The following PDZRN3 variants were observed in gnomAD, a reference collection of about 807,000 sequenced individuals.
PDZRN3 encodes PDZ domain containing ring finger 3, also known as E3 ubiquitin-protein ligase PDZRN3.
In PDZRN3, 38 loss-of-function variants were observed where a neutral mutation model predicts 85.7. That is an observed-to-expected ratio of 0.44 (90% CI 0.34 to 0.58). PDZRN3 has a LOEUF of 0.58. PDZRN3 is among the 20% of genes least tolerant of loss of function. The pLI is 0.01. For synonymous variants in PDZRN3, 759 were observed against 638.0 expected (o/e 1.19, Z -2.86); for missense variants, 1,629 against 1,506.4 (o/e 1.08, Z -1.35).
intron 3 of PDZRN3, among the ~76,000 whole-genome samples, chr3:73,520,476 C>T (rs377756496): frequency 6.6e-6 from 1 of 152,126 alleles, no homozygotes; most frequent in African/African-American, 2.4e-5. Context: ...TGCATGTTCC[C>T]GCCCAGCCAA....
intron 8 of PDZRN3, among the ~76,000 whole-genome samples, chr3:73,387,730 T>C (rs1701427091): frequency 6.6e-6 from 1 of 152,168 alleles, no homozygotes; most frequent in African/African-American, 2.4e-5. Context: ...TCCTTCCCTA[T>C]GATCCCTGCA....
chr3:73,473,093 A>G (rs1040502825), intron 3 of PDZRN3, among the ~76,000 whole-genome samples: 3 of 152,192 alleles, frequency 2.0e-5, no homozygotes, highest in Non-Finnish European at 4.4e-5. Flanking sequence ...AGCCCCTAAA[A>G]GGAGTGTAAC....
chr3:73,504,831 T>TA (rs1704042106), intron 3 of PDZRN3, among the ~76,000 whole-genome samples: 1 of 152,226 alleles, frequency 6.6e-6, no homozygotes, highest in Non-Finnish European at 1.5e-5. Flanking sequence ...TAAGTGCATG[T>TA]ATATGATCTA....
chr3:73,563,392 T>C (rs1167821209), intron 3 of PDZRN3, among the ~76,000 whole-genome samples: 1 of 151,874 alleles, frequency 6.6e-6, no homozygotes, highest in Non-Finnish European at 1.5e-5. Flanking sequence ...TCAAAAGCAG[T>C]GGTTAGGAGA....
At chr3:73,473,346 T>G (rs895079006) in intron 3 of PDZRN3, among the ~76,000 whole-genome samples, 1 of 152,150 alleles carries the variant, frequency 6.6e-6, no homozygotes, top group Non-Finnish European at 1.5e-5. Flanking sequence ...GGCAGCCAAC[T>G]GAGACCCCAG....
At position 73,391,159 on chromosome 3, in the gene PDZRN3, T is replaced by C. The variant is rs200214045; in HGVS notation, c.1255-43A>G. 2.1e-4 allele frequency: 257 copies of C among 1,214,150 alleles called. 2 individuals are homozygous for C. The Middle Eastern group carries it at 3.8e-3, about 18-fold the overall frequency. The allele number at this position is 1,214,150 out of a possible 1,614,324, so 75.2% of individuals were successfully genotyped here. Reference sequence around the variant, plus strand: ...TTCCCAGTGAGACTCCAGCAGGCAATGCGAGTTGAGGGGATGTCAAATGCT... The same window carrying C: ...TTCCCAGTGAGACTCCAGCAGGCAACGCGAGTTGAGGGGATGTCAAATGCT... On this transcript the variant is annotated intron_variant, in intron 5 of 9. Transcript: ENST00000263666.
intron 1 of PDZRN3, among the ~76,000 whole-genome samples, chr3:73,615,187 G>A (rs985549020): frequency 2.0e-5 from 3 of 152,094 alleles, no homozygotes; most frequent in African/African-American, 7.2e-5. Flanking sequence ...AATATGAGAA[G>A]ACGTTTCAGT....
At chr3:73,398,293 G>A (rs554936120) in intron 5 of PDZRN3, among the ~76,000 whole-genome samples, 3 of 152,126 alleles carry the variant, frequency 2.0e-5, no homozygotes, top group Admixed American at 1.3e-4. Flanking sequence ...GGCACATCTC[G>A]ACACTGCAGT....
At chr3:73,488,387 C>T (rs1416993678) in intron 3 of PDZRN3, among the ~76,000 whole-genome samples, 1 of 152,190 alleles carries the variant, frequency 6.6e-6, no homozygotes, top group African/African-American at 2.4e-5. Context: ...GTCCCCAGGC[C>T]CCAGTCACAA....
chr3:73,397,217 C>T (rs1379941546), intron 5 of PDZRN3, among the ~76,000 whole-genome samples: 1 of 151,972 alleles, frequency 6.6e-6, no homozygotes, highest in Non-Finnish European at 1.5e-5. Context: ...CTGTTTTTCT[C>T]TGTGCATTTG....
At position 73,384,002 on chromosome 3, in the gene PDZRN3, A is replaced by G; in HGVS notation, c.2564T>C (p.Leu855Pro). The G allele has an allele frequency of 6.3e-7, 1 of 1,589,432 alleles. No homozygotes were observed. The highest frequency in any genetic ancestry group is 8.5e-7 in the Non-Finnish European group (1 of 1,169,902). The change falls in exon 10 of 10, where the codon CTG becomes CCG. Residue 855 changes from leucine to proline, a missense_variant. Physicochemically the swap from Leu to Pro is moderately conservative, Grantham distance 98. Coordinates refer to ENST00000263666, the MANE Select transcript of PDZRN3 (RefSeq NM_015009.3). ...ATAGGAGGGCAGGTAGGCGCTGCCC[A>G]GCTTCTGGCTGGGCGTGGGGCTCCG... ...GSRSPTPSQK[L>P]GSAYLPSYHH... is the part of the protein sequence containing the mutation.
At chr3:73,514,200 T>C (rs1223846542) in intron 3 of PDZRN3, among the ~76,000 whole-genome samples, 1 of 152,200 alleles carries the variant, frequency 6.6e-6, no homozygotes, top group Non-Finnish European at 1.5e-5. Context: ...AAGCTGGGTC[T>C]CTAAGGTAGG....
At chr3:73,531,570 A>G (rs778996971) in intron 3 of PDZRN3, among the ~76,000 whole-genome samples, 1 of 152,182 alleles carries the variant, frequency 6.6e-6, no homozygotes, top group Non-Finnish European at 1.5e-5. Flanking sequence ...ACTTCTGATT[A>G]GTTGCTACCA....
intron 3 of PDZRN3, among the ~76,000 whole-genome samples, chr3:73,546,098 G>A (rs1238843473): frequency 1.3e-5 from 2 of 152,148 alleles, no homozygotes; most frequent in African/African-American, 2.4e-5. Flanking sequence ...GCAGTATACA[G>A]AATAAGGCCC....
At chr3:73,438,553 T>C (rs1283012064) in intron 3 of PDZRN3, among the ~76,000 whole-genome samples, 1 of 152,122 alleles carries the variant, frequency 6.6e-6, no homozygotes, top group Non-Finnish European at 1.5e-5. Flanking sequence ...AGGAAACAGG[T>C]CTGTGTGGAG....
intron 3 of PDZRN3, among the ~76,000 whole-genome samples, chr3:73,555,963 T>C (rs73838563): frequency 0.022 from 3,304 of 152,264 alleles, 72 homozygotes; most frequent in African/African-American, 0.053. Flanking sequence ...CTGAAGAGGG[T>C]GATTCAGAAA....
intron 3 of PDZRN3, among the ~76,000 whole-genome samples, chr3:73,446,605 C>T (rs1234732257): frequency 6.6e-6 from 1 of 152,168 alleles, no homozygotes; most frequent in Non-Finnish European, 1.5e-5. Context: ...ACTCACTACA[C>T]TTTCTTATCT....
At chr3:73,594,692 T>A (rs144759655) in intron 3 of PDZRN3, among the ~76,000 whole-genome samples, 33 of 127,572 alleles carry the variant, frequency 2.6e-4, no homozygotes, top group African/African-American at 7.8e-4. Context: ...ATCAGCTGCA[T>A]TTCAGAGAAG....
intron 3 of PDZRN3, 186 bp from the exon 4 acceptor site, chr3:73,404,581 G>T (rs1193852448): frequency 5.1e-6 from 3 of 591,574 alleles, no homozygotes; most frequent in Admixed American, 6.4e-5. Context: ...AGTGAGTTTG[G>T]AGGTATTCAG....
Sources: gnomAD v4.1 joint callset for allele counts (sites outside exome capture counted in the v4.1 genomes callset) on GRCh38, gnomAD v4.1.1 for gene constraint, MANE v1.5 for transcripts, NCBI Gene and HGNC (gene_info 2026-07-23, HGNC 2026-07-21) for gene names.